MMP16: variants seen among roughly 807,000 people sequenced by gnomAD.
MMP16 encodes the protein matrix metallopeptidase 16, also known as matrix metalloproteinase-16.
A neutral mutation model predicts 67.8 loss-of-function variants in MMP16; 12 were observed. That is an observed-to-expected ratio of 0.18 (90% CI 0.11 to 0.29). The LOEUF is 0.29. Ranked by LOEUF, MMP16 falls within the 10% of genes least tolerant of loss-of-function variation. The pLI is 1.00. For synonymous variants in MMP16, 249 were observed against 255.9 expected, an observed-to-expected ratio of 0.97 and a Z score of 0.26; for missense variants, 475 against 765.7, an observed-to-expected ratio of 0.62 and a Z score of 4.48.
intron 4 of MMP16, among the ~76,000 whole-genome samples, chr8:88,128,131 C>G (rs1807966781): frequency 6.6e-6 from 1 of 151,918 alleles, no homozygotes; most frequent in East Asian, 1.9e-4. Flanking sequence ...CCTCTGTTTC[C>G]TATCAGCCTT....
At chr8:88,262,814 A>G (rs940217396) in intron 1 of MMP16, among the ~76,000 whole-genome samples, 1 of 144,768 alleles carries the variant, frequency 6.9e-6, no homozygotes, top group Non-Finnish European at 1.5e-5. Flanking sequence ...CATCCTGGCT[A>G]ACATGGTGAA....
chr8:88,244,291 T>C (rs1810077620), intron 1 of MMP16, among the ~76,000 whole-genome samples: 1 of 152,210 alleles, frequency 6.6e-6, no homozygotes. Flanking sequence ...AAGATATTAG[T>C]ATTATTTTGT....
chr8:88,203,293 C>T lies in MMP16; in HGVS notation c.133-5987G>A, dbSNP rs938996291. 5.9e-5 allele frequency among the ~76,000 whole-genome samples: 9 copies of T among 151,570 alleles called. No homozygotes were observed. In the South Asian group the frequency reaches 6.3e-4, roughly 11 times the overall value. On this transcript the variant is annotated intron_variant, in intron 1 of 9. Transcript: ENST00000286614. ...AATTTTTTTGTATTTTTAGTAGAGA[C>T]GAGTTTCAACATGTTGGCCAGGATG...
intron 1 of MMP16, among the ~76,000 whole-genome samples, chr8:88,220,486 T>C (rs541776886): frequency 6.6e-6 from 1 of 152,218 alleles, no homozygotes; most frequent in African/African-American, 2.4e-5. Flanking sequence ...GTCCTGTAAA[T>C]TGGCAGATCT....
At chr8:88,192,285 C>T (rs552020820) in intron 2 of MMP16, among the ~76,000 whole-genome samples, 43 of 152,236 alleles carry the variant, frequency 2.8e-4, no homozygotes, top group Admixed American at 2.3e-3. Flanking sequence ...CTTTTATCTA[C>T]AGACTCATTA....
At chr8:88,053,665 A>G (rs1283338496) in intron 8 of MMP16, among the ~76,000 whole-genome samples, 1 of 152,192 alleles carries the variant, frequency 6.6e-6, no homozygotes, top group Non-Finnish European at 1.5e-5. Flanking sequence ...TGTTTCAGAT[A>G]GAGAGTTTAA....
In MMP16 at chr8:88,118,705, A is replaced by G. The variant is rs1423536830; in HGVS notation, c.866T>C (p.Ile289Thr). The G allele has an allele frequency of 6.2e-7, 1 of 1,612,820 alleles. No individual in the cohort carries two copies. The change falls in exon 5 of 10, where the codon ATA (isoleucine) becomes ACA (threonine). Residue 289 changes from isoleucine (I) to threonine (T), a missense_variant. Around this residue, in one of 5 missense-constraint regions of MMP16, gnomAD observed 195 missense variants for 300.9 expected, o/e 0.65. Transcript: ENST00000286614. Reference protein sequence around the residue: ...PNDDLQGIQKIYGPPDKIPPP... With the variant: ...PNDDLQGIQKTYGPPDKIPPP... ...TTGAAACAGTAGTAACCTACCATAT[A>G]TCTTCTGGATGCCCTGTAAATCATC...
chr8:88,208,527 C>T (rs989661699), intron 1 of MMP16, among the ~76,000 whole-genome samples: 3 of 152,044 alleles, frequency 2.0e-5, no homozygotes, highest in African/African-American at 7.2e-5. Flanking sequence ...CTACCTGGCC[C>T]CAAACACAAC....
At chr8:88,113,623 CTAAG>C (rs1474931335) in intron 6 of MMP16, among the ~76,000 whole-genome samples, 4 of 151,828 alleles carry the variant, frequency 2.6e-5, no homozygotes, top group Non-Finnish European at 2.9e-5. Context: ...GCAGTCTAGA[CTAAG>C]TAAGTATAGA....
intron 8 of MMP16, among the ~76,000 whole-genome samples, chr8:88,048,224 T>G (rs1808223274): frequency 6.6e-6 from 1 of 152,134 alleles, no homozygotes; most frequent in African/African-American, 2.4e-5. Flanking sequence ...TGGTCTTGAT[T>G]GGAGTACTCA....
At chr8:88,212,225 T>C (rs1313856410) in intron 1 of MMP16, among the ~76,000 whole-genome samples, 1 of 152,152 alleles carries the variant, frequency 6.6e-6, no homozygotes, top group Non-Finnish European at 1.5e-5. Flanking sequence ...AGGCTTTAAG[T>C]ATGGAGGACA....
chr8:88,167,674 T>C lies in MMP16; in HGVS notation c.704A>G (p.His235Arg). 1 of 1,607,472 alleles carries C rather than the reference T, an allele frequency of 6.2e-7. No individual in the cohort carries two copies. Among genetic ancestry groups the C allele is most frequent in the Non-Finnish European group, 8.5e-7 (1 of 1,176,410 alleles). Residue 235 changes from histidine (H) to arginine (R), a missense_variant, in exon 4 of 10, where the codon CAT (histidine) becomes CGT (arginine). His to Arg is a conservative substitution (Grantham distance 29). Transcript: ENST00000286614. ...DEPWTLGNPN[H>R]DGNDLFLVAV... ...TAAAACAAACATGTACTTACCATCA[T>C]GATTAGGATTTCCTAGTGTCCATGG...
At chr8:88,188,699 G>C (rs941617732) in intron 2 of MMP16, among the ~76,000 whole-genome samples, 12 of 150,148 alleles carry the variant, frequency 8.0e-5, no homozygotes, top group Non-Finnish European at 1.8e-4. Context: ...TTGTCGCCCA[G>C]GCTGGAGTGC....
At chr8:88,323,076 C>A (rs887081993) in intron 1 of MMP16, among the ~76,000 whole-genome samples, 1 of 152,058 alleles carries the variant, frequency 6.6e-6, no homozygotes, top group African/African-American at 2.4e-5. Context: ...TTAGAAACTG[C>A]TACAGTGGAG....
intron 1 of MMP16, among the ~76,000 whole-genome samples, chr8:88,245,260 C>T (rs2129910482): frequency 6.6e-6 from 1 of 152,302 alleles, no homozygotes; most frequent in African/African-American, 2.4e-5. Context: ...AGGTTCTTCC[C>T]ACCTGGGGAC....
At chr8:88,196,364 T>C (rs977969741) in intron 2 of MMP16, among the ~76,000 whole-genome samples, 1 of 152,188 alleles carries the variant, frequency 6.6e-6, no homozygotes, top group African/African-American at 2.4e-5. Flanking sequence ...TTTCATAATC[T>C]TACGAAACTT....
At chr8:88,264,170 G>A (rs780706855) in intron 1 of MMP16, among the ~76,000 whole-genome samples, 28 of 151,926 alleles carry the variant, frequency 1.8e-4, no homozygotes, top group Non-Finnish European at 2.2e-4. Context: ...AAATCAAAGA[G>A]TGTGCGTGCA....
intron 1 of MMP16, among the ~76,000 whole-genome samples, chr8:88,271,682 T>C (rs1368378696): frequency 1.3e-5 from 2 of 152,192 alleles, no homozygotes; most frequent in African/African-American, 2.4e-5. Context: ...TTAGAAAAGG[T>C]TGATTCTCAA....
chr8:88,299,969 C>T lies in MMP16; in HGVS notation c.132+27106G>A, dbSNP rs1169459384. On this transcript the variant is annotated intron_variant, in intron 1 of 9. Transcript: ENST00000286614. Reference sequence around the variant, plus strand: ...TAGGTACTAAATAGAAACTAGAATGCATATTCATATTACTTATGCTTATAT... The same window carrying T: ...TAGGTACTAAATAGAAACTAGAATGTATATTCATATTACTTATGCTTATAT... Among the ~76,000 whole-genome samples, 3 of 152,048 alleles carry T rather than the reference C, an allele frequency of 2.0e-5. No homozygotes were observed. The South Asian group carries it at 6.2e-4, about 31-fold the overall frequency.
Sources: gnomAD v4.1 joint callset for allele counts (sites outside exome capture counted in the v4.1 genomes callset) on GRCh38, gnomAD v4.1.1 for gene constraint, gnomAD v4.1.1 regional missense constraint, MANE v1.5 for transcripts, NCBI Gene and HGNC (gene_info 2026-07-23, HGNC 2026-07-21) for gene names.